The following DPP10 variants were observed in gnomAD, a reference collection of about 807,000 sequenced individuals.
DPP10 encodes inactive dipeptidyl peptidase 10.
DPP10 carries 33 observed loss-of-function variants against 120.9 expected under a neutral mutation model. The ratio of observed to expected loss-of-function variants is 0.27; its 90% CI spans 0.21 to 0.37. The LOEUF (loss-of-function observed/expected upper bound fraction) is 0.37. Ranked by LOEUF, DPP10 falls within the 10% of genes least tolerant of loss-of-function variation. DPP10 has a pLI of 1.00. For synonymous variants in DPP10, 337 were observed against 326.1 expected (o/e 1.03, Z -0.36); for missense variants, 816 against 942.8 (o/e 0.87, Z 1.76).
intron 1 of DPP10, among the ~76,000 whole-genome samples, chr2:114,544,083 AG>A (rs1053720192): frequency 6.6e-6 from 1 of 152,148 alleles, no homozygotes; most frequent in African/African-American, 2.4e-5. Context: ...ACTGTCCAGT[AG>A]GGGAAGGGAG....
At chr2:115,482,309 C>T (rs1274530807) in intron 3 of DPP10, among the ~76,000 whole-genome samples, 1 of 99,212 alleles carries the variant, frequency 1.0e-5, no homozygotes, top group Non-Finnish European at 2.7e-5. Flanking sequence ...TATCTGCATA[C>T]ATAGTAAAAT....
chr2:115,689,700 C>A lies in DPP10; in HGVS notation c.455C>A (p.Ser152Ter). Residue 152 changes from serine to a stop codon, truncating the protein, a stop_gained, in exon 6 of 26, where the codon TCG (serine) becomes TAG (stop). Coordinates refer to ENST00000410059, the MANE Select transcript of DPP10 (RefSeq NM_020868.6). LOFTEE classifies it high-confidence loss of function. ...TTTTAATTTCAGATTTTTCATTATT[C>A]GTATACTGCTTCATATGTGATTTAC... ...AYDVKQIFHYSYTASYVIYNI... is the reference protein window; with the variant it reads ...AYDVKQIFHY 6.4e-7 allele frequency: 1 copy of A among 1,568,822 alleles called. No homozygotes were observed. Among genetic ancestry groups the A allele is most frequent in the South Asian group, 1.1e-5 (1 of 87,202 alleles).
At chr2:115,380,144 C>T (rs1442466208) in intron 3 of DPP10, among the ~76,000 whole-genome samples, 4 of 152,126 alleles carry the variant, frequency 2.6e-5, no homozygotes, top group African/African-American at 9.7e-5. Context: ...CTAATGTTGA[C>T]AGTGGGGTGT....
chr2:115,350,207 G>A (rs2063936927), intron 3 of DPP10, among the ~76,000 whole-genome samples: 2 of 151,966 alleles, frequency 1.3e-5, no homozygotes, highest in South Asian at 4.1e-4. Flanking sequence ...TGAAATATGT[G>A]CAGATAATAT....
rs144319196 is a variant in DPP10 at position 114,899,172 on chromosome 2, A to G, written c.61-410067A>G. On this transcript the variant is annotated intron_variant, in intron 1 of 25. Transcript: ENST00000410059. The stretch of plus-strand genomic sequence containing the variant: ...CTTAATCAATATAGAAATTCTATAT[A>G]TGAATATATATATAAGAATATAGTA... Among the ~76,000 whole-genome samples, 36 of 151,942 alleles carry G rather than the reference A, an allele frequency of 2.4e-4. No individual in the cohort carries two copies. In the East Asian group the frequency reaches 6.6e-3, roughly 28 times the overall value.
At position 115,603,560 on chromosome 2, in the gene DPP10, G is replaced by GTTTTTT. The variant is rs10637786; in HGVS notation, c.441+77592_441+77597dup. Among the ~76,000 whole-genome samples, 49 of 126,384 alleles carry GTTTTTT rather than the reference G, an allele frequency of 3.9e-4. 1 individual carries two copies. Among genetic ancestry groups the GTTTTTT allele is most frequent in the East Asian group, 1.2e-3 (5 of 4,028 alleles). The allele number at this position is 126,384 out of a possible 152,430, so 82.9% of individuals were successfully genotyped here. A position where few individuals can be genotyped will look rare whatever the true frequency, so the allele number is the denominator to read the frequency against. On this transcript the variant is annotated intron_variant, in intron 5 of 25. Transcript: ENST00000410059. ...ACTACTGTGTGTTTTCGTTGTTGTT[G>GTTTTTT]TTTTTTTTTGTTTTTTTTTTTTTTG...
chr2:115,333,088 T>C (rs1254483359), intron 2 of DPP10, among the ~76,000 whole-genome samples: 1 of 152,132 alleles, frequency 6.6e-6, no homozygotes, highest in South Asian at 2.1e-4. Flanking sequence ...AAGGACTTGC[T>C]TTATGAATCT....
chr2:115,788,080 A>G (rs2149897328), intron 17 of DPP10, among the ~76,000 whole-genome samples: 1 of 152,296 alleles, frequency 6.6e-6, no homozygotes, highest in Non-Finnish European at 1.5e-5. Flanking sequence ...TGCTCTTCTA[A>G]ATAACAAATT....
At chr2:114,966,387 G>A (rs890994166) in intron 1 of DPP10, among the ~76,000 whole-genome samples, 2 of 152,136 alleles carry the variant, frequency 1.3e-5, no homozygotes, top group African/African-American at 4.8e-5. Flanking sequence ...CAGTGAAGGG[G>A]TTAGTTCCTG....
At chr2:115,790,922 T>C (rs1263910796) in intron 17 of DPP10, among the ~76,000 whole-genome samples, 159 bp from the exon 18 acceptor site, 1 of 152,184 alleles carries the variant, frequency 6.6e-6, no homozygotes, top group Non-Finnish European at 1.5e-5. Flanking sequence ...CTAATGAAGC[T>C]TACTTAGAAA....
chr2:115,573,951 G>T (rs1287463253), intron 5 of DPP10, among the ~76,000 whole-genome samples: 1 of 152,076 alleles, frequency 6.6e-6, no homozygotes. Flanking sequence ...GAGCTGGCCT[G>T]GTTCTCTACT....
At chr2:115,432,469 G>A (rs565390775) in intron 3 of DPP10, among the ~76,000 whole-genome samples, 1 of 151,998 alleles carries the variant, frequency 6.6e-6, no homozygotes, top group East Asian at 1.9e-4. Context: ...TCCTAATAAG[G>A]TGGGTTTTAG....
chr2:115,560,370 CAAAAAAAAAAAAAAA>C (rs869049114), intron 5 of DPP10, among the ~76,000 whole-genome samples: 1 of 11,104 alleles, frequency 9.0e-5, no homozygotes, highest in Non-Finnish European at 1.6e-4. Context: ...GACTCCTTCT[CAAAAAAAAAAAAAAA>C]AAAAAAAAAA....
At chr2:115,297,646 T>G (rs2060945692) in intron 1 of DPP10, among the ~76,000 whole-genome samples, 3 of 152,078 alleles carry the variant, frequency 2.0e-5, no homozygotes, top group Admixed American at 1.3e-4. Flanking sequence ...TCTACTCTCC[T>G]TGTGGACAAG....
chr2:114,608,297 C>T (rs1047406403), intron 1 of DPP10, among the ~76,000 whole-genome samples: 7 of 152,102 alleles, frequency 4.6e-5, no homozygotes, highest in African/African-American at 1.7e-4. Flanking sequence ...ACATACTTAC[C>T]ACTAACCCAC....
At chr2:114,768,405 C>G (rs995829809) in intron 1 of DPP10, among the ~76,000 whole-genome samples, 6 of 152,112 alleles carry the variant, frequency 3.9e-5, no homozygotes, top group Non-Finnish European at 5.9e-5. Flanking sequence ...TAAATGATCA[C>G]GACAACAATA....
chr2:115,197,502 A>G (rs972263585), intron 1 of DPP10, among the ~76,000 whole-genome samples: 2 of 152,196 alleles, frequency 1.3e-5, no homozygotes, highest in African/African-American at 4.8e-5. Context: ...GTTTCACATC[A>G]GCAGTGGTCT....
intron 3 of DPP10, among the ~76,000 whole-genome samples, chr2:115,393,227 C>T (rs899876932): frequency 6.6e-6 from 1 of 151,224 alleles, no homozygotes; most frequent in Non-Finnish European, 1.5e-5. Context: ...GCATGAGAAT[C>T]GCTTGAACCC....
chr2:115,799,940 G>T (rs1351085888), intron 19 of DPP10, among the ~76,000 whole-genome samples: 1 of 151,864 alleles, frequency 6.6e-6, no homozygotes, highest in East Asian at 1.9e-4. Flanking sequence ...AATCCTTTGG[G>T]TATATACCCA....
Sources: allele counts gnomAD v4.1 joint callset (sites outside exome capture counted in the v4.1 genomes callset), GRCh38; gene constraint gnomAD v4.1.1; transcripts MANE v1.5; gene names NCBI Gene and HGNC (gene_info 2026-07-23, HGNC 2026-07-21).